CADM2: variants seen among roughly 807,000 people sequenced by gnomAD.
CADM2 encodes immunoglobulin superfamily member 4D.
A neutral mutation model predicts 49.8 loss-of-function variants in CADM2; 12 were observed. The observed-to-expected ratio is 0.24, with a 90% confidence interval of 0.15 to 0.39. The LOEUF (loss-of-function observed/expected upper bound fraction) is 0.39. CADM2 is among the 10% of genes least tolerant of loss of function. The pLI is 1.00. For missense variants in CADM2, 378 were observed against 492.3 expected, an observed-to-expected ratio of 0.77 and a Z score of 2.20; for synonymous variants, 214 against 175.4, an observed-to-expected ratio of 1.22 and a Z score of -1.74.
At chr3:85,483,904 G>A (rs962671253) in intron 1 of CADM2, among the ~76,000 whole-genome samples, 4 of 151,430 alleles carry the variant, frequency 2.6e-5, no homozygotes, top group African/African-American at 4.8e-5. Flanking sequence ...CAAAAAACTC[G>A]AAGGCCTGTA....
At chr3:85,711,811 T>C (rs2067127546) in intron 1 of CADM2, among the ~76,000 whole-genome samples, 1 of 152,186 alleles carries the variant, frequency 6.6e-6, no homozygotes. Context: ...TTTATTAATA[T>C]ATGAACTGTT....
At chr3:84,970,280 T>TG (rs2031328631) in intron 1 of CADM2, among the ~76,000 whole-genome samples, 1 of 151,364 alleles carries the variant, frequency 6.6e-6, no homozygotes. Flanking sequence ...TTTGATTTTT[T>TG]TTTTTTGCAT....
chr3:85,374,964 CTT>C (rs1240654553), intron 1 of CADM2, among the ~76,000 whole-genome samples: 2 of 151,972 alleles, frequency 1.3e-5, no homozygotes, highest in Non-Finnish European at 2.9e-5. Context: ...ACTTTCTAGA[CTT>C]TTGATGGTTG....
At chr3:85,804,482 G>A (rs1032272398) in intron 3 of CADM2, among the ~76,000 whole-genome samples, 2 of 152,000 alleles carry the variant, frequency 1.3e-5, no homozygotes, top group Non-Finnish European at 1.5e-5. Flanking sequence ...AACATTTTTT[G>A]TTGTTGTTCA....
intron 1 of CADM2, among the ~76,000 whole-genome samples, chr3:85,495,491 T>C (rs1043148540): frequency 6.6e-6 from 1 of 152,114 alleles, no homozygotes; most frequent in African/African-American, 2.4e-5. Flanking sequence ...AAATTATCAA[T>C]TTTGATTACA....
At chr3:85,491,674 G>T (rs569291038) in intron 1 of CADM2, among the ~76,000 whole-genome samples, 2 of 152,094 alleles carry the variant, frequency 1.3e-5, no homozygotes, top group Admixed American at 6.5e-5. Context: ...CTTCTGGGCC[G>T]GGCACGGTGG....
chr3:85,547,085 ATT>A, intron 1 of CADM2, among the ~76,000 whole-genome samples: 1 of 119,558 alleles, frequency 8.4e-6, no homozygotes, highest in Non-Finnish European at 1.9e-5. Context: ...AATTTATACT[ATT>A]TTGATGAATA....
At chr3:85,653,876 G>A (rs985273438) in intron 1 of CADM2, among the ~76,000 whole-genome samples, 1 of 152,146 alleles carries the variant, frequency 6.6e-6, no homozygotes, top group African/African-American at 2.4e-5. Flanking sequence ...AGATAAAAGG[G>A]CAACCAGTAA....
At chr3:85,858,789 G>A (rs1010590686) in intron 3 of CADM2, among the ~76,000 whole-genome samples, 2 of 152,214 alleles carry the variant, frequency 1.3e-5, no homozygotes, top group Admixed American at 6.5e-5. Flanking sequence ...GCAATAGAAT[G>A]CCAAAGGCCA....
rs765566688 is a variant in CADM2 at position 86,026,136 on chromosome 3, G to C, written c.971-39469G>C. On this transcript the variant is annotated intron_variant, in intron 8 of 9. Coordinates refer to ENST00000383699, the MANE Select transcript of CADM2 (RefSeq NM_001167675.2). ...GTTGGGGGATGCTCTTCATTGTGTG[G>C]AATTAGAAACAGTTTTCAAGAAGTT... 5.9e-5 allele frequency among the ~76,000 whole-genome samples: 9 copies of C among 152,114 alleles called. No homozygotes were observed. In the East Asian group the frequency reaches 1.7e-3, roughly 29 times the overall value.
chr3:85,499,514 G>A (rs1576663713), intron 1 of CADM2, among the ~76,000 whole-genome samples: 1 of 151,252 alleles, frequency 6.6e-6, no homozygotes, highest in African/African-American at 2.4e-5. Context: ...ATATATTTAT[G>A]ATTATAATTA....
intron 3 of CADM2, among the ~76,000 whole-genome samples, chr3:85,814,216 C>T (rs925536335): frequency 6.6e-6 from 1 of 151,942 alleles, no homozygotes; most frequent in East Asian, 1.9e-4. Flanking sequence ...CTCTTATTTC[C>T]TTGAGCAGTG....
chr3:85,318,092 C>A lies in CADM2; in HGVS notation c.61+358424C>A, dbSNP rs9810866. On this transcript the variant is annotated intron_variant, in intron 1 of 9. Coordinates refer to ENST00000383699, the MANE Select transcript of CADM2 (RefSeq NM_001167675.2). ...GAGGCTGCAGTGGGAGGATCACTAG[C>A]CCCAGAGGCGGAGGTTGCAGTGAGC... Among the ~76,000 whole-genome samples, 662 of 151,628 alleles carry A rather than the reference C, an allele frequency of 4.4e-3. 4 individuals carry two copies. The highest frequency in any genetic ancestry group is 0.027 in the Middle Eastern group (8 of 294).
At chr3:86,031,836 T>C (rs1022383476) in intron 8 of CADM2, among the ~76,000 whole-genome samples, 2 of 151,604 alleles carry the variant, frequency 1.3e-5, no homozygotes, top group Non-Finnish European at 3.0e-5. Context: ...GAATATTGAA[T>C]AAAAATTATA....
intron 1 of CADM2, among the ~76,000 whole-genome samples, chr3:85,548,436 G>A (rs1284921111): frequency 6.6e-6 from 1 of 151,814 alleles, no homozygotes; most frequent in Non-Finnish European, 1.5e-5. Context: ...CCAACATGAA[G>A]GAGAAATTTG....
At chr3:85,146,951 A>G (rs1352020690) in intron 1 of CADM2, among the ~76,000 whole-genome samples, 1 of 151,620 alleles carries the variant, frequency 6.6e-6, no homozygotes, top group Non-Finnish European at 1.5e-5. Flanking sequence ...TAAGGGGGGA[A>G]AAAAAAAGGA....
At chr3:85,592,773 T>C (rs966404954) in intron 1 of CADM2, among the ~76,000 whole-genome samples, 1 of 151,950 alleles carries the variant, frequency 6.6e-6, no homozygotes, top group African/African-American at 2.4e-5. Flanking sequence ...GTTACATAGG[T>C]ATACATGTGC....
intron 1 of CADM2, among the ~76,000 whole-genome samples, chr3:84,994,102 A>AGCC (rs2033047342): frequency 2.0e-5 from 3 of 152,184 alleles, no homozygotes; most frequent in East Asian, 3.9e-4. Flanking sequence ...GTGCTCAGAT[A>AGCC]ATTCAAATGG....
chr3:85,666,256 A>C (rs948814889), intron 1 of CADM2, among the ~76,000 whole-genome samples: 2 of 151,876 alleles, frequency 1.3e-5, no homozygotes, highest in Admixed American at 1.3e-4. Flanking sequence ...ACAAACAAAT[A>C]TCAATTGATA....
Sources: gnomAD v4.1 joint callset for allele counts (sites outside exome capture counted in the v4.1 genomes callset) on GRCh38, gnomAD v4.1.1 for gene constraint, MANE v1.5 for transcripts, NCBI Gene and HGNC (gene_info 2026-07-23, HGNC 2026-07-21) for gene names.